Variants in STAC observed in about 807,000 individuals in gnomAD.
STAC encodes SH3 and cysteine rich domain.
STAC carries 43 observed loss-of-function variants against 48.8 expected under a neutral mutation model. The observed-to-expected ratio is 0.88, with a 90% CI of 0.69 to 1.14. The LOEUF (loss-of-function observed/expected upper bound fraction) is 1.14. Among genes scored for constraint, STAC ranks in the 50% most tolerant of loss-of-function variants. The pLI, the probability that STAC is intolerant of heterozygous loss-of-function variation, is 0.00. For synonymous variants in STAC, 193 were observed against 179.5 expected, an observed-to-expected ratio of 1.07 and a Z score of -0.60; for missense variants, 497 against 504.0, an observed-to-expected ratio of 0.99 and a Z score of 0.13.
chr3:36,458,306 C>T (rs1342976024), intron 2 of STAC, among the ~76,000 whole-genome samples: 1 of 152,042 alleles, frequency 6.6e-6, no homozygotes, highest in Non-Finnish European at 1.5e-5. Context: ...CCTTTCTTCC[C>T]CTTAAATAGA....
chr3:36,494,771 T>C (rs946010027), intron 6 of STAC, among the ~76,000 whole-genome samples: 6 of 152,180 alleles, frequency 3.9e-5, no homozygotes, highest in Non-Finnish European at 8.8e-5. Flanking sequence ...GCAGTGCCAT[T>C]AGAGAGACAA....
At chr3:36,478,940 T>G (rs1378014967) in intron 2 of STAC, among the ~76,000 whole-genome samples, 3 of 152,146 alleles carry the variant, frequency 2.0e-5, no homozygotes, top group Non-Finnish European at 4.4e-5. Context: ...TCAATAAACT[T>G]TTAAGTGCTA....
At chr3:36,474,999 G>T (rs1163695033) in intron 2 of STAC, among the ~76,000 whole-genome samples, 2 of 151,828 alleles carry the variant, frequency 1.3e-5, no homozygotes, top group African/African-American at 4.8e-5. Flanking sequence ...CTTTTCTCGT[G>T]TGTGTGTGTG....
chr3:36,449,347 G>A (rs1559496007), intron 2 of STAC, among the ~76,000 whole-genome samples: 2 of 152,240 alleles, frequency 1.3e-5, no homozygotes, highest in African/African-American at 4.8e-5. Context: ...CTACTTTTCC[G>A]TAATTCCATT....
At chr3:36,447,088 G>A (rs1025023677) in intron 2 of STAC, among the ~76,000 whole-genome samples, 1 of 152,168 alleles carries the variant, frequency 6.6e-6, no homozygotes, top group African/African-American at 2.4e-5. Flanking sequence ...AAGCAAGGGT[G>A]TGGTCTCAGC....
intron 1 of STAC, among the ~76,000 whole-genome samples, chr3:36,420,493 C>T (rs1011959674): frequency 3.3e-5 from 5 of 152,168 alleles, no homozygotes; most frequent in Admixed American, 6.5e-5. Context: ...TGAGCATTAC[C>T]GCCTGAGCTC....
chr3:36,415,619 T>C (rs963459764), intron 1 of STAC, among the ~76,000 whole-genome samples: 2 of 152,228 alleles, frequency 1.3e-5, no homozygotes, highest in African/African-American at 4.8e-5. Flanking sequence ...CTGCACCCAC[T>C]GTCCGGCACC....
chr3:36,478,111 A>AT (rs1697541225), intron 2 of STAC, among the ~76,000 whole-genome samples: 1 of 151,938 alleles, frequency 6.6e-6, no homozygotes. Context: ...CTGTTTATTG[A>AT]TTTTGTTGGC....
intron 8 of STAC, among the ~76,000 whole-genome samples, chr3:36,509,392 T>C (rs1698481432): frequency 2.6e-5 from 4 of 152,164 alleles, no homozygotes; most frequent in Admixed American, 2.6e-4. Context: ...GGGGTTGCTC[T>C]TCTTGAGGAG....
chr3:36,489,225 T>C (rs1283616986), intron 5 of STAC, among the ~76,000 whole-genome samples: 1 of 152,196 alleles, frequency 6.6e-6, no homozygotes, highest in Non-Finnish European at 1.5e-5. Flanking sequence ...TCCCGTTCCT[T>C]ATTCATCTCA....
intron 1 of STAC, among the ~76,000 whole-genome samples, chr3:36,395,058 G>T (rs188670141): frequency 2.6e-5 from 4 of 151,584 alleles, no homozygotes; most frequent in African/African-American, 9.7e-5. Context: ...AATATTTTAT[G>T]ATCCAAGAAG....
intron 1 of STAC, among the ~76,000 whole-genome samples, chr3:36,400,734 G>C (rs1699983785): frequency 6.6e-6 from 1 of 152,176 alleles, no homozygotes; most frequent in African/African-American, 2.4e-5. Context: ...GTAATACAGA[G>C]ACCAGACTTT....
intron 1 of STAC, among the ~76,000 whole-genome samples, chr3:36,384,849 T>A (rs1304875365): frequency 6.6e-5 from 10 of 152,194 alleles, no homozygotes; most frequent in Non-Finnish European, 1.5e-4. Flanking sequence ...TCTCTAACCA[T>A]GAAGACGTGC....
chr3:36,495,534 A>G (rs1698128003), intron 6 of STAC, among the ~76,000 whole-genome samples: 1 of 152,160 alleles, frequency 6.6e-6, no homozygotes, highest in Admixed American at 6.5e-5. Context: ...TCCATCAGCA[A>G]ACTCTATCTG....
intron 1 of STAC, among the ~76,000 whole-genome samples, chr3:36,400,138 T>C (rs940463840): frequency 1.3e-5 from 2 of 152,194 alleles, no homozygotes; most frequent in Non-Finnish European, 2.9e-5. Context: ...GTTTCTCAGT[T>C]TCACACAGGA....
intron 1 of STAC, among the ~76,000 whole-genome samples, chr3:36,429,367 CAT>C (rs1194355192): frequency 6.6e-6 from 1 of 152,200 alleles, no homozygotes; most frequent in Non-Finnish European, 1.5e-5. Context: ...CCAGAGAACA[CAT>C]GAGGGGCGCC....
rs1192041952 is a variant in STAC at position 36,468,727 on chromosome 3, G to GTA, written c.389-14254_389-14253dup. ...TTATATATATAAAATACATATATATGTATATATATATAAAATACATATATG... is the reference window on the plus strand; with the variant it reads ...TTATATATATAAAATACATATATATGTATATATATATATAAAATACATATATG... On this transcript the variant is annotated intron_variant, in intron 2 of 10. Transcript: ENST00000273183. Among the ~76,000 whole-genome samples, 390 of 145,118 alleles carry GTA rather than the reference G, an allele frequency of 2.7e-3. 3 individuals carry two copies. The highest frequency in any genetic ancestry group is 0.011 in the Admixed American group (159 of 14,316).
At chr3:36,503,976 G>C (rs1038875370) in intron 6 of STAC, among the ~76,000 whole-genome samples, 1 of 152,128 alleles carries the variant, frequency 6.6e-6, no homozygotes, top group Non-Finnish European at 1.5e-5. Flanking sequence ...ATAGATTAAA[G>C]AATCATATTT....
chr3:36,491,967 C>T (rs558595017), intron 5 of STAC, among the ~76,000 whole-genome samples: 8 of 129,486 alleles, frequency 6.2e-5, no homozygotes, highest in African/African-American at 1.8e-4. Context: ...TGCACCACTG[C>T]ACTCCAGCCT....
Sources: allele counts gnomAD v4.1 joint callset (sites outside exome capture counted in the v4.1 genomes callset), GRCh38; gene constraint gnomAD v4.1.1; transcripts MANE v1.5; gene names NCBI Gene and HGNC (gene_info 2026-07-23, HGNC 2026-07-21).